GPC5: variants seen among roughly 807,000 people sequenced by gnomAD.
GPC5 encodes glypican-5.
A neutral mutation model predicts 53.9 loss-of-function variants in GPC5; 47 were observed. The observed-to-expected ratio is 0.87, with a 90% CI of 0.69 to 1.11. The LOEUF (loss-of-function observed/expected upper bound fraction) is 1.11, where lower values mean the gene tolerates loss of function less well. GPC5 is among the 50% of genes most tolerant of loss of function. GPC5 has a pLI of 0.00. For synonymous variants in GPC5, 286 were observed against 263.3 expected (o/e 1.09, Z -0.84); for missense variants, 748 against 713.1 (o/e 1.05, Z -0.56).
chr13:92,431,390 C>T (rs1166385839), intron 7 of GPC5, among the ~76,000 whole-genome samples: 8 of 137,342 alleles, frequency 5.8e-5, no homozygotes, highest in Admixed American at 1.5e-4. Flanking sequence ...AAAGACACAG[C>T]TTTTTTTTTT....
intron 2 of GPC5, among the ~76,000 whole-genome samples, chr13:91,545,024 G>A (rs1283799495): frequency 6.6e-6 from 1 of 152,100 alleles, no homozygotes; most frequent in Non-Finnish European, 1.5e-5. Flanking sequence ...GGCTATTCAC[G>A]ACATGGTTGT....
At chr13:92,327,154 A>C (rs923177798) in intron 7 of GPC5, among the ~76,000 whole-genome samples, 3 of 152,270 alleles carry the variant, frequency 2.0e-5, no homozygotes, top group Admixed American at 1.3e-4. Flanking sequence ...GACCTGTTTT[A>C]CTGCAGTTTT....
chr13:92,723,130 C>G (rs148640055), intron 7 of GPC5, among the ~76,000 whole-genome samples: 2 of 151,514 alleles, frequency 1.3e-5, no homozygotes, highest in East Asian at 3.9e-4. Context: ...TGAGATAATA[C>G]CTACCTTGAG....
chr13:92,370,344 G>T (rs2043640323), intron 7 of GPC5, among the ~76,000 whole-genome samples: 1 of 152,156 alleles, frequency 6.6e-6, no homozygotes, highest in Middle Eastern at 3.2e-3. Flanking sequence ...TACATGTGTA[G>T]TTTCTGAACT....
intron 2 of GPC5, among the ~76,000 whole-genome samples, chr13:91,454,361 T>C (rs1034994961): frequency 5.9e-5 from 9 of 152,058 alleles, no homozygotes; most frequent in African/African-American, 2.2e-4. Flanking sequence ...CTCTAAGAAG[T>C]AAACTTTTAG....
intron 5 of GPC5, among the ~76,000 whole-genome samples, chr13:91,810,845 TA>T (rs2038299822): frequency 6.6e-6 from 1 of 151,732 alleles, no homozygotes; most frequent in Admixed American, 6.6e-5. Context: ...CTTAATCTAA[TA>T]TTTAATACTT....
intron 7 of GPC5, among the ~76,000 whole-genome samples, chr13:92,552,490 GA>G (rs565369197): frequency 6.6e-6 from 1 of 151,928 alleles, no homozygotes; most frequent in Non-Finnish European, 1.5e-5. Context: ...AAGATAAATG[GA>G]AAAAAATAGC....
chr13:92,728,039 G>A (rs1019634822), intron 7 of GPC5, among the ~76,000 whole-genome samples: 1 of 151,258 alleles, frequency 6.6e-6, no homozygotes. Context: ...TAACTCTTTG[G>A]ACTATGGTGT....
At chr13:92,385,301 A>G (rs2043783078) in intron 7 of GPC5, among the ~76,000 whole-genome samples, 1 of 146,308 alleles carries the variant, frequency 6.8e-6, no homozygotes, top group African/African-American at 2.5e-5. Context: ...TCCTATTCGT[A>G]GGCACTTCCT....
intron 7 of GPC5, among the ~76,000 whole-genome samples, chr13:92,372,301 T>C (rs187250233): frequency 6.6e-6 from 1 of 152,172 alleles, no homozygotes; most frequent in Non-Finnish European, 1.5e-5. Flanking sequence ...GACCCTAGAT[T>C]GCAAACTTTT....
intron 7 of GPC5, among the ~76,000 whole-genome samples, chr13:92,189,589 G>GCA (rs149810745): frequency 9.0e-4 from 136 of 150,586 alleles, no homozygotes; most frequent in East Asian, 3.9e-3. Context: ...CCATACACGT[G>GCA]CACACACACA....
intron 5 of GPC5, among the ~76,000 whole-genome samples, chr13:91,871,455 T>C (rs1291636068): frequency 6.6e-6 from 1 of 152,080 alleles, no homozygotes; most frequent in Non-Finnish European, 1.5e-5. Context: ...CCCTGTGATG[T>C]ATGTTTATTT....
intron 2 of GPC5, among the ~76,000 whole-genome samples, chr13:91,449,726 T>G (rs1422508424): frequency 3.3e-5 from 5 of 152,158 alleles, no homozygotes; most frequent in Non-Finnish European, 7.4e-5. Context: ...TGTTCAGATA[T>G]AAAATTAATA....
chr13:92,658,919 G>GTTTT (rs1358143857), intron 7 of GPC5: 18 of 96,042 alleles, frequency 1.9e-4, no homozygotes, highest in African/African-American at 5.6e-4. Context: ...AGTTGTATAT[G>GTTTT]TTTTGTTTTT....
At chr13:92,742,020 T>C (rs1255146322) in intron 7 of GPC5, among the ~76,000 whole-genome samples, 1 of 152,074 alleles carries the variant, frequency 6.6e-6, no homozygotes, top group Non-Finnish European at 1.5e-5. Context: ...GTCTTTGCTA[T>C]TGTGAATACT....
intron 6 of GPC5, among the ~76,000 whole-genome samples, chr13:92,049,470 AT>A (rs2041009720): frequency 6.6e-6 from 1 of 152,086 alleles, no homozygotes; most frequent in African/African-American, 2.4e-5. Flanking sequence ...TGAGCTCCAG[AT>A]AAAAAGACAC....
intron 7 of GPC5, among the ~76,000 whole-genome samples, chr13:92,377,850 C>G (rs189794757): frequency 6.6e-6 from 1 of 151,992 alleles, no homozygotes; most frequent in Non-Finnish European, 1.5e-5. Context: ...TGTGAATATA[C>G]GCATATATTC....
chr13:92,451,616 G>A (rs1878064409), intron 7 of GPC5, among the ~76,000 whole-genome samples: 1 of 152,052 alleles, frequency 6.6e-6, no homozygotes, highest in African/African-American at 2.4e-5. Context: ...TTCTGCACGT[G>A]GCACAATCAA....
chr13:92,010,227 C>G (rs1482235014), intron 6 of GPC5, among the ~76,000 whole-genome samples: 2 of 152,128 alleles, frequency 1.3e-5, no homozygotes, highest in Non-Finnish European at 2.9e-5. Flanking sequence ...CTTAACATAT[C>G]ATATATTTTA....
Sources: allele counts gnomAD v4.1 joint callset (sites outside exome capture counted in the v4.1 genomes callset), GRCh38; gene constraint gnomAD v4.1.1; transcripts MANE v1.5; gene names NCBI Gene and HGNC (gene_info 2026-07-23, HGNC 2026-07-21).